The following ACSBG2 variants were observed in gnomAD, a reference collection of about 807,000 sequenced individuals.
ACSBG2 encodes the protein acyl-CoA synthetase bubblegum family member 2, also known as long-chain-fatty-acid--CoA ligase ACSBG2.
ACSBG2 carries 62 observed loss-of-function variants against 74.7 expected under a neutral mutation model. The observed-to-expected ratio is 0.83, with a 90% confidence interval of 0.68 to 1.03. ACSBG2 has a LOEUF of 1.03. ACSBG2 is among the 50% of genes least tolerant of loss of function. ACSBG2 has a pLI of 0.00. For missense variants in ACSBG2, 730 were observed against 817.6 expected, an observed-to-expected ratio of 0.89 and a Z score of 1.31; for synonymous variants, 309 against 294.1, an observed-to-expected ratio of 1.05 and a Z score of -0.52.
chr19:6,183,756 T>C (rs1312237006), intron 10 of ACSBG2, among the ~76,000 whole-genome samples: 2 of 152,216 alleles, frequency 1.3e-5, no homozygotes, highest in Admixed American at 1.3e-4. Context: ...TCCCTCCTTT[T>C]AGCATGGGTG....
chr19:6,169,478 T>C (rs1286407329), intron 7 of ACSBG2, among the ~76,000 whole-genome samples: 1 of 152,240 alleles, frequency 6.6e-6, no homozygotes, highest in Non-Finnish European at 1.5e-5. Context: ...CCATGCTGTT[T>C]TAGTTACTAT....
At chr19:6,142,556 T>C (rs2088881679) in intron 2 of ACSBG2, among the ~76,000 whole-genome samples, 1 of 151,784 alleles carries the variant, frequency 6.6e-6, no homozygotes, top group Non-Finnish European at 1.5e-5. Flanking sequence ...ATCGAGACCA[T>C]CCTGACTAAG....
intron 7 of ACSBG2, among the ~76,000 whole-genome samples, chr19:6,172,124 C>T (rs1167277780): frequency 2.0e-5 from 3 of 152,080 alleles, no homozygotes; most frequent in Non-Finnish European, 4.4e-5. Context: ...TGGTTTCCAA[C>T]TTTCTCTTGG....
intron 10 of ACSBG2, 53 bp from the exon 11 acceptor site, chr19:6,185,383 G>A (rs1568255277): frequency 6.3e-7 from 1 of 1,587,114 alleles, no homozygotes; most frequent in Non-Finnish European, 8.6e-7. Context: ...GGCAGAGCTG[G>A]GTGGCTGACT....
At chr19:6,179,797 G>C (rs995588036) in intron 8 of ACSBG2, among the ~76,000 whole-genome samples, 1 of 152,012 alleles carries the variant, frequency 6.6e-6, no homozygotes, top group Non-Finnish European at 1.5e-5. Flanking sequence ...ATTTTTAGTA[G>C]AGACGGGATT....
chr19:6,145,463 G>A (rs1283333417), intron 2 of ACSBG2, among the ~76,000 whole-genome samples: 1 of 151,384 alleles, frequency 6.6e-6, no homozygotes, highest in Non-Finnish European at 1.5e-5. Context: ...TCCCATCATA[G>A]GTGGATGTGC....
Position 6,165,983 on chromosome 19 carries a change from A to C in ACSBG2, c.706A>C (p.Ile236Leu), listed in dbSNP as rs183816648. The C allele has an allele frequency of 6.2e-7, 1 of 1,614,152 alleles. No homozygotes were observed. The highest frequency in any genetic ancestry group is 8.5e-7 in the Non-Finnish European group (1 of 1,179,986). ...VLIYTSGTTG[I>L]PKGVMLSHDN... ...CATCTACACTTCAGGGACCACAGGC[A>C]TACCCAAGGGAGTGATGCTCAGTCA... The change falls in exon 7 of 15, where the codon ATA becomes CTA. Residue 236 changes from isoleucine to leucine, a missense_variant. Transcript: ENST00000588485.
At chr19:6,172,817 T>C (rs2089996888) in intron 7 of ACSBG2, among the ~76,000 whole-genome samples, 1 of 152,048 alleles carries the variant, frequency 6.6e-6, no homozygotes, top group Non-Finnish European at 1.5e-5. Context: ...TAGGCATGCA[T>C]ACCCTGATGG....
In ACSBG2 at chr19:6,147,687, T is replaced by G; in HGVS notation, c.297+12T>G. On this transcript the variant is annotated intron_variant, in intron 3 of 14. Transcript: ENST00000588485. ...AATCCTTGATCAAGGTAAGATTCAT[T>G]CATTCATTCTCCTTTGTTCAACCAT... 6.2e-7 allele frequency: 1 copy of G among 1,604,392 alleles called. No individual in the cohort carries two copies. The highest frequency in any genetic ancestry group is 8.5e-7 in the Non-Finnish European group (1 of 1,171,090).
intron 8 of ACSBG2, among the ~76,000 whole-genome samples, chr19:6,181,839 G>T (rs2090271182): frequency 9.5e-6 from 1 of 105,710 alleles, no homozygotes; most frequent in African/African-American, 3.9e-5. Flanking sequence ...AAATTTCCTT[G>T]GCATTTTGTT....
chr19:6,143,046 C>G (rs974417176), intron 2 of ACSBG2, among the ~76,000 whole-genome samples: 1 of 151,902 alleles, frequency 6.6e-6, no homozygotes, highest in African/African-American at 2.4e-5. Flanking sequence ...ATGACAAAAC[C>G]CTGTCTCTCT....
chr19:6,145,390 C>T (rs1490516743), intron 2 of ACSBG2, among the ~76,000 whole-genome samples: 2 of 149,662 alleles, frequency 1.3e-5, no homozygotes, highest in Admixed American at 1.3e-4. Context: ...GAGATTGTGC[C>T]ACTGCACTCC....
chr19:6,185,411 T>C (rs2090376644), intron 10 of ACSBG2, 25 bp from the exon 11 acceptor site: 1 of 1,613,076 alleles, frequency 6.2e-7, no homozygotes, highest in African/African-American at 1.3e-5. Context: ...TATGAGCCTG[T>C]TTCTCTGCTT....
intron 3 of ACSBG2, among the ~76,000 whole-genome samples, chr19:6,150,710 T>A (rs2089207237): frequency 6.6e-6 from 1 of 152,038 alleles, no homozygotes; most frequent in Non-Finnish European, 1.5e-5. Context: ...AGAGAGTGAG[T>A]GTTTTATACA....
chr19:6,169,526 C>T (rs956453935), intron 7 of ACSBG2, among the ~76,000 whole-genome samples: 1 of 152,114 alleles, frequency 6.6e-6, no homozygotes, highest in African/African-American at 2.4e-5. Context: ...TAATGTGATG[C>T]CTCTAGCTGT....
chr19:6,158,922 CTTTTCTT>C (rs1235573311), intron 5 of ACSBG2, among the ~76,000 whole-genome samples: 2 of 151,898 alleles, frequency 1.3e-5, no homozygotes, highest in Non-Finnish European at 2.9e-5. Context: ...TTTAAAAATT[CTTTTCTT>C]TTTTCTTTTT....
chr19:6,149,290 A>C (rs1168082410), intron 3 of ACSBG2, among the ~76,000 whole-genome samples: 1 of 152,132 alleles, frequency 6.6e-6, no homozygotes, highest in Non-Finnish European at 1.5e-5. Flanking sequence ...CTGAAGGACC[A>C]GCAGGCAAAT....
chr19:6,136,692 T>C (rs1468493138), intron 1 of ACSBG2, among the ~76,000 whole-genome samples: 6 of 152,200 alleles, frequency 3.9e-5, no homozygotes, highest in Non-Finnish European at 8.8e-5. Context: ...TTGTGAAACA[T>C]ATAATGCATA....
chr19:6,186,866 G>A lies in ACSBG2; in HGVS notation c.1541-417G>A, dbSNP rs151248691. ...ACTACAGGCGTGTGCCACCACACCCGGCTATTTTTTTGCAGAGACCCAATT... is the reference window on the plus strand; with the variant it reads ...ACTACAGGCGTGTGCCACCACACCCAGCTATTTTTTTGCAGAGACCCAATT... On this transcript the variant is annotated intron_variant, in intron 11 of 14. Coordinates refer to ENST00000588485, the MANE Select transcript of ACSBG2 (RefSeq NM_030924.5). 4.2e-3 allele frequency among the ~76,000 whole-genome samples: 638 copies of A among 152,126 alleles called. 5 individuals carry two copies. Among genetic ancestry groups the A allele is most frequent in the African/African-American group, 0.013 (558 of 41,506 alleles).
Sources: allele counts gnomAD v4.1 joint callset (sites outside exome capture counted in the v4.1 genomes callset), GRCh38; gene constraint gnomAD v4.1.1; transcripts MANE v1.5; gene names NCBI Gene and HGNC (gene_info 2026-07-23, HGNC 2026-07-21).